Variants in EXOC4 observed in about 807,000 individuals in gnomAD.
EXOC4 encodes exocyst complex component 4, also known as SEC8-like 1.
In EXOC4, 71 loss-of-function variants were observed where a neutral mutation model predicts 107.2. The observed-to-expected ratio is 0.66, with a 90% CI of 0.55 to 0.81. EXOC4 has a LOEUF of 0.81. EXOC4 is among the 30% of genes least tolerant of loss of function. The pLI, the probability that EXOC4 is intolerant of heterozygous loss-of-function variation, is 0.00. For synonymous variants in EXOC4, 456 were observed against 441.2 expected, an observed-to-expected ratio of 1.03 and a Z score of -0.42; for missense variants, 1,108 against 1,189.6, an observed-to-expected ratio of 0.93 and a Z score of 1.01.
intron 15 of EXOC4, among the ~76,000 whole-genome samples, chr7:134,001,796 C>G (rs1473618545): frequency 5.9e-5 from 9 of 152,206 alleles, no homozygotes; most frequent in Non-Finnish European, 1.0e-4. Context: ...CTGTGCCCAT[C>G]TCCCCAAGCT....
Position 134,007,761 on chromosome 7 carries a change from T to TA in EXOC4, c.2614dup (p.Arg872LysfsTer36). On this transcript the variant is annotated frameshift_variant, in exon 17 of 18. Coordinates refer to ENST00000253861, the MANE Select transcript of EXOC4 (RefSeq NM_021807.4). LOFTEE classifies it high-confidence loss of function. ...GTGAGTCTGGCATCAAGAAAATGTG[T>TA]AGGAACATTTTTGTTCTTCAGCAGA... is the stretch of plus-strand genomic sequence containing the variant. 6.2e-7 allele frequency: 1 copy of TA among 1,613,566 alleles called. No individual in the cohort carries two copies.
Position 133,466,750 on chromosome 7 carries a change from T to G in EXOC4, c.1183-8578T>G, listed in dbSNP as rs1798738536. On this transcript the variant is annotated intron_variant, in intron 7 of 17. Coordinates refer to ENST00000253861, the MANE Select transcript of EXOC4 (RefSeq NM_021807.4). ...TGTAGAGCAGCCTTACAAACATAAGTGTAATAATGTTGAACAAAATATTAG... is the reference window on the plus strand; with the variant it reads ...TGTAGAGCAGCCTTACAAACATAAGGGTAATAATGTTGAACAAAATATTAG... Among the ~76,000 whole-genome samples the G allele has an allele frequency of 3.3e-5, 5 of 152,302 alleles. No homozygotes were observed. In the South Asian group the frequency reaches 1.0e-3, roughly 32 times the overall value.
chr7:133,283,512 A>G (rs1794206521), intron 2 of EXOC4, among the ~76,000 whole-genome samples: 1 of 152,176 alleles, frequency 6.6e-6, no homozygotes, highest in South Asian at 2.1e-4. Flanking sequence ...ATTGACTTCA[A>G]TTCCTTTTGA....
At chr7:133,337,986 TTGTC>T (rs1795558141) in intron 5 of EXOC4, among the ~76,000 whole-genome samples, 1 of 147,550 alleles carries the variant, frequency 6.8e-6, no homozygotes, top group Non-Finnish European at 1.5e-5. Context: ...AGCTAGCAGT[TTGTC>T]TATTTTGTTA....
intron 10 of EXOC4, among the ~76,000 whole-genome samples, chr7:133,695,587 C>G (rs887430292): frequency 1.3e-5 from 2 of 152,068 alleles, no homozygotes; most frequent in Admixed American, 1.3e-4. Flanking sequence ...CAACTAGCCT[C>G]TTACTCTTAA....
intron 1 of EXOC4, chr7:133,253,604 G>C: frequency 1.3e-6 from 1 of 748,980 alleles, no homozygotes; most frequent in Non-Finnish European, 1.6e-6. Context: ...GGAGTCCGGA[G>C]ATTCCTGTCA....
chr7:134,063,378 A>C (rs929886312), intron 17 of EXOC4, among the ~76,000 whole-genome samples: 10 of 152,196 alleles, frequency 6.6e-5, no homozygotes, highest in Non-Finnish European at 1.5e-4. Flanking sequence ...TATGGCACAC[A>C]GAATATTCTT....
intron 7 of EXOC4, among the ~76,000 whole-genome samples, chr7:133,475,018 T>A (rs1798977534): frequency 6.6e-6 from 1 of 152,154 alleles, no homozygotes; most frequent in Non-Finnish European, 1.5e-5. Context: ...TAAATTGTGA[T>A]TAAAGAGGAA....
intron 2 of EXOC4, among the ~76,000 whole-genome samples, chr7:133,284,459 G>A (rs957991604): frequency 6.6e-6 from 1 of 152,172 alleles, no homozygotes; most frequent in Admixed American, 6.5e-5. Flanking sequence ...TTTAATAGCT[G>A]GAGTCCTTAA....
intron 12 of EXOC4, among the ~76,000 whole-genome samples, chr7:133,898,043 G>A (rs188655378): frequency 1.5e-3 from 139 of 93,392 alleles, no homozygotes; most frequent in Middle Eastern, 0.015. Flanking sequence ...TCCAGCAACC[G>A]CTGTTCTACC....
rs1584946376 is a variant in EXOC4, at chr7:133,475,539, T to G, written c.1328+66T>G. On this transcript the variant is annotated intron_variant, in intron 8 of 17. Transcript: ENST00000253861. ...AGACTGAAGTAAGATGACTTCCTACTTTATTAATAGCCATAACTTTGTCTA... is the reference window on the plus strand; with the variant it reads ...AGACTGAAGTAAGATGACTTCCTACGTTATTAATAGCCATAACTTTGTCTA... 9.3e-6 allele frequency: 13 copies of G among 1,395,714 alleles called. No homozygotes were observed. In the East Asian group the frequency reaches 3.0e-4, roughly 32 times the overall value. 86.5% of individuals were successfully genotyped at this position (1,395,714 alleles called of 1,614,324 possible).
At chr7:133,684,530 A>T (rs1046278478) in intron 10 of EXOC4, among the ~76,000 whole-genome samples, 1 of 152,180 alleles carries the variant, frequency 6.6e-6, no homozygotes, top group African/African-American at 2.4e-5. Flanking sequence ...GAAAGAAAAA[A>T]TGGTGAAGAA....
intron 5 of EXOC4, among the ~76,000 whole-genome samples, chr7:133,328,016 T>C (rs539738603): frequency 6.6e-6 from 1 of 152,322 alleles, no homozygotes; most frequent in East Asian, 1.9e-4. Flanking sequence ...CTCGTTGATC[T>C]GTCTAATATT....
At chr7:133,888,809 C>T (rs1563044592) in intron 11 of EXOC4, among the ~76,000 whole-genome samples, 2 of 152,170 alleles carry the variant, frequency 1.3e-5, no homozygotes, top group African/African-American at 4.8e-5. Flanking sequence ...AAGCCTGGAG[C>T]TCCTTCTTTA....
At chr7:134,097,471 A>G in the EXOC4 span, among the ~76,000 whole-genome samples, 1 of 152,182 alleles carries the variant, frequency 6.6e-6, no homozygotes, top group Non-Finnish European at 1.5e-5. Context: ...ACCATCCATT[A>G]TTCACAGAGA....
chr7:133,725,435 G>A (rs1795194739), intron 10 of EXOC4, among the ~76,000 whole-genome samples: 1 of 152,166 alleles, frequency 6.6e-6, no homozygotes, highest in South Asian at 2.1e-4. Context: ...GAGTACAATG[G>A]CGCGATCTCA....
At chr7:133,783,930 T>C (rs897417777) in intron 10 of EXOC4, among the ~76,000 whole-genome samples, 6 of 152,172 alleles carry the variant, frequency 3.9e-5, no homozygotes, top group African/African-American at 1.4e-4. Context: ...TTGATGTGGT[T>C]TGGTTTCCTT....
intron 14 of EXOC4, among the ~76,000 whole-genome samples, chr7:133,951,294 G>A (rs1355177244): frequency 1.3e-5 from 2 of 152,152 alleles, no homozygotes; most frequent in Non-Finnish European, 2.9e-5. Flanking sequence ...GCTTGTCCTT[G>A]GACAAGGTAC....
intron 10 of EXOC4, among the ~76,000 whole-genome samples, chr7:133,762,034 A>T (rs1796042955): frequency 6.6e-6 from 1 of 152,164 alleles, no homozygotes; most frequent in Admixed American, 6.5e-5. Flanking sequence ...TGTGTCCTTT[A>T]ATATAAATGT....
Sources: allele counts gnomAD v4.1 joint callset (sites outside exome capture counted in the v4.1 genomes callset), GRCh38; gene constraint gnomAD v4.1.1; transcripts MANE v1.5; gene names NCBI Gene and HGNC (gene_info 2026-07-23, HGNC 2026-07-21).